The following TPST1 variants were observed in gnomAD, a reference collection of about 807,000 sequenced individuals.
TPST1 encodes the protein protein-tyrosine sulfotransferase 1.
TPST1 carries 20 observed loss-of-function variants against 34.8 expected under a neutral mutation model. That is an observed-to-expected ratio of 0.57 (90% CI 0.40 to 0.84). The LOEUF (loss-of-function observed/expected upper bound fraction) is 0.84, where lower values mean the gene tolerates loss of function less well. Ranked by LOEUF, TPST1 falls within the 40% of genes least tolerant of loss-of-function variation. TPST1 has a pLI of 0.00. For missense variants in TPST1, 353 were observed against 455.5 expected, an observed-to-expected ratio of 0.78 and a Z score of 2.05; for synonymous variants, 152 against 159.4, an observed-to-expected ratio of 0.95 and a Z score of 0.35.
intron 3 of TPST1, among the ~76,000 whole-genome samples, chr7:66,295,024 A>G (rs186215571): frequency 4.6e-5 from 7 of 152,338 alleles, no homozygotes; most frequent in African/African-American, 4.8e-5. Context: ...ATGTTCTACA[A>G]TTGATTTTAC....
chr7:66,214,984 A>T (rs1387313549), intron 1 of TPST1, among the ~76,000 whole-genome samples: 1 of 146,914 alleles, frequency 6.8e-6, no homozygotes, highest in Non-Finnish European at 1.5e-5. Flanking sequence ...AGATATATGC[A>T]TTAACTATAT....
chr7:66,304,114 G>C (rs530090963), intron 3 of TPST1, among the ~76,000 whole-genome samples: 25 of 152,302 alleles, frequency 1.6e-4, no homozygotes, highest in African/African-American at 5.3e-4. Flanking sequence ...AATATGGGAG[G>C]ACTAGAGAAG....
chr7:66,262,545 T>A (rs1460021338), intron 2 of TPST1, among the ~76,000 whole-genome samples: 1 of 152,208 alleles, frequency 6.6e-6, no homozygotes, highest in African/African-American at 2.4e-5. Flanking sequence ...CCTGTTTTTT[T>A]AGCTTTTTCT....
intron 3 of TPST1, among the ~76,000 whole-genome samples, chr7:66,303,675 G>T (rs970127118): frequency 4.6e-5 from 7 of 152,134 alleles, no homozygotes; most frequent in African/African-American, 1.7e-4. Flanking sequence ...CTCTCAAAGT[G>T]CTGGGATTAC....
intron 2 of TPST1, among the ~76,000 whole-genome samples, chr7:66,264,100 AC>A (rs757767708): frequency 1.3e-5 from 2 of 152,190 alleles, no homozygotes; most frequent in Admixed American, 1.3e-4. Context: ...TGGATGAATG[AC>A]TTCAAAACCT....
At chr7:66,285,800 C>T (rs1414090002) in intron 2 of TPST1, among the ~76,000 whole-genome samples, 1 of 152,150 alleles carries the variant, frequency 6.6e-6, no homozygotes, top group African/African-American at 2.4e-5. Context: ...AGTATAATCA[C>T]TACAGGCTTA....
At chr7:66,316,189 A>T (rs1220111314) in intron 3 of TPST1, among the ~76,000 whole-genome samples, 1 of 151,850 alleles carries the variant, frequency 6.6e-6, no homozygotes, top group Non-Finnish European at 1.5e-5. Flanking sequence ...TAAATATTTT[A>T]AAATTATTTG....
intron 3 of TPST1, among the ~76,000 whole-genome samples, chr7:66,294,097 A>G (rs935816877): frequency 7.9e-5 from 12 of 152,130 alleles, no homozygotes; most frequent in African/African-American, 2.7e-4. Context: ...ATACATTCAC[A>G]TTGTTGTGCA....
intron 2 of TPST1, among the ~76,000 whole-genome samples, chr7:66,258,543 T>C (rs1445357050): frequency 6.6e-6 from 1 of 152,236 alleles, no homozygotes; most frequent in Non-Finnish European, 1.5e-5. Flanking sequence ...TGCTGGTTCA[T>C]GTGCAAAATT....
intron 2 of TPST1, among the ~76,000 whole-genome samples, chr7:66,278,100 C>CAAAAAAAAAAA (rs35654351): frequency 6.0e-5 from 3 of 50,248 alleles, no homozygotes; most frequent in East Asian, 1.7e-3. Flanking sequence ...GACTCCATCT[C>CAAAAAAAAAAA]AAAAAAAAAA....
At chr7:66,270,144 CAGAG>C (rs1009087309) in intron 2 of TPST1, among the ~76,000 whole-genome samples, 1 of 151,940 alleles carries the variant, frequency 6.6e-6, no homozygotes, top group African/African-American at 2.4e-5. Context: ...GTGCTCCAGG[CAGAG>C]AGAAGAGTCA....
intron 1 of TPST1, among the ~76,000 whole-genome samples, chr7:66,224,198 C>T (rs76783117): frequency 6.6e-6 from 1 of 152,288 alleles, no homozygotes; most frequent in East Asian, 1.9e-4. Context: ...TCATTTAGGT[C>T]AGATTTGAAG....
In TPST1 at chr7:66,313,398, G is replaced by C. The variant is rs73365475; in HGVS notation, c.1044+26689G>C. 1.7e-3 allele frequency among the ~76,000 whole-genome samples: 258 copies of C among 152,222 alleles called. 1 individual carries two copies. The highest frequency in any genetic ancestry group is 6.0e-3 in the African/African-American group (251 of 41,552). On this transcript the variant is annotated intron_variant, in intron 3 of 5. Coordinates refer to ENST00000304842, the MANE Select transcript of TPST1 (RefSeq NM_003596.4). The stretch of plus-strand genomic sequence containing the variant: ...CCATAACTCTCCAGCTTGGGTGACA[G>C]GGCGAGACTTGATCTCAAAAAAAAT...
At chr7:66,340,909 G>A (rs1792224252) in intron 3 of TPST1, among the ~76,000 whole-genome samples, 5 of 152,154 alleles carry the variant, frequency 3.3e-5, no homozygotes. Context: ...TACTCAGGAG[G>A]CTGAGGCAGG....
chr7:66,216,873 T>C (rs148157122), intron 1 of TPST1, among the ~76,000 whole-genome samples: 2 of 152,360 alleles, frequency 1.3e-5, no homozygotes, highest in East Asian at 3.9e-4. Flanking sequence ...AGCACTGCTT[T>C]TGCTGCATCC....
intron 3 of TPST1, among the ~76,000 whole-genome samples, chr7:66,340,534 C>T (rs973211452): frequency 1.3e-5 from 2 of 152,134 alleles, no homozygotes; most frequent in Admixed American, 6.6e-5. Context: ...TAAACAAATT[C>T]ACTTAAGTTT....
chr7:66,216,923 T>G (rs755605272), intron 1 of TPST1, among the ~76,000 whole-genome samples: 1 of 152,248 alleles, frequency 6.6e-6, no homozygotes, highest in African/African-American at 2.4e-5. Flanking sequence ...TTTTGTAATA[T>G]TCCTAATGTT....
intron 2 of TPST1, among the ~76,000 whole-genome samples, chr7:66,259,067 C>T (rs1584184888): frequency 6.6e-6 from 1 of 152,072 alleles, no homozygotes; most frequent in Non-Finnish European, 1.5e-5. Flanking sequence ...AATTGTCAGG[C>T]CTTTGTTATA....
chr7:66,217,018 T>C (rs187380320), intron 1 of TPST1, among the ~76,000 whole-genome samples: 23 of 152,348 alleles, frequency 1.5e-4, no homozygotes, highest in African/African-American at 5.3e-4. Context: ...TTTTTGGTTA[T>C]TGTTTTTTAA....
Sources: gnomAD v4.1 joint callset for allele counts (sites outside exome capture counted in the v4.1 genomes callset) on GRCh38, gnomAD v4.1.1 for gene constraint, MANE v1.5 for transcripts, NCBI Gene and HGNC (gene_info 2026-07-23, HGNC 2026-07-21) for gene names.